NR2F1-AS1: variants seen among roughly 807,000 people sequenced by gnomAD.
NR2F1-AS1 encodes the protein NR2F1 regulatory antisense RNA 1.
rs537229454 is a variant in NR2F1-AS1, at chr5:93,497,092, C to CT, written n.638+56668dup. ...TTTTTGTAATACATTCAGTAAAGGC[C>CT]TTTTTTTTTTCAGTTAATTCCTCCA... is the stretch of plus-strand genomic sequence containing the variant. On this transcript the variant is annotated intron_variant and non_coding_transcript_variant, in intron 4 of 5. Coordinates refer to ENST00000660523, the Ensembl canonical transcript of NR2F1-AS1. 7.9e-4 allele frequency among the ~76,000 whole-genome samples: 117 copies of CT among 148,324 alleles called. 2 individuals are homozygous for CT. The highest frequency in any genetic ancestry group is 1.6e-3 in the African/African-American group (65 of 40,372).
At chr5:93,432,933 T>C (rs1017476503) in intron 4 of NR2F1-AS1, among the ~76,000 whole-genome samples, 7 of 152,260 alleles carry the variant, frequency 4.6e-5, no homozygotes, top group Non-Finnish European at 7.3e-5. Flanking sequence ...CATTTTATTA[T>C]TTTCCAAATA....
At chr5:93,427,382 C>A (rs1323879493) in intron 4 of NR2F1-AS1, among the ~76,000 whole-genome samples, 1 of 152,170 alleles carries the variant, frequency 6.6e-6, no homozygotes, top group East Asian at 1.9e-4. Context: ...CTACAGTTGT[C>A]CCTCCTGAGG....
intron 4 of NR2F1-AS1, among the ~76,000 whole-genome samples, chr5:93,553,003 ACTATGT>A (rs1363733965): frequency 6.6e-6 from 1 of 152,158 alleles, no homozygotes; most frequent in Non-Finnish European, 1.5e-5. Flanking sequence ...GAAGTCAAGC[ACTATGT>A]CTCTGGAATA....
At chr5:93,462,511 T>A (rs1750118608) in intron 4 of NR2F1-AS1, among the ~76,000 whole-genome samples, 1 of 152,090 alleles carries the variant, frequency 6.6e-6, no homozygotes, top group Non-Finnish European at 1.5e-5. Context: ...TAGAGTGGGG[T>A]GCTGCTGTAA....
At chr5:93,453,604 G>GA (rs1163112942) in intron 4 of NR2F1-AS1, among the ~76,000 whole-genome samples, 3 of 151,768 alleles carry the variant, frequency 2.0e-5, no homozygotes, top group Non-Finnish European at 2.9e-5. Context: ...CAGAGAGCAG[G>GA]AAAAAAAGAC....
intron 4 of NR2F1-AS1, among the ~76,000 whole-genome samples, chr5:93,533,584 A>C (rs1211088211): frequency 6.6e-6 from 1 of 152,144 alleles, no homozygotes; most frequent in African/African-American, 2.4e-5. Flanking sequence ...ATTTAGGAAA[A>C]GAGTTCTCTT....
chr5:93,457,815 G>A (rs1033551980), intron 4 of NR2F1-AS1, among the ~76,000 whole-genome samples: 15 of 151,774 alleles, frequency 9.9e-5, no homozygotes, highest in African/African-American at 3.4e-4. Context: ...CCTTCTTGGT[G>A]GATGGCAACT....
intron 4 of NR2F1-AS1, among the ~76,000 whole-genome samples, chr5:93,419,810 G>A (rs896681673): frequency 6.6e-6 from 1 of 152,132 alleles, no homozygotes; most frequent in African/African-American, 2.4e-5. Flanking sequence ...AACAGATGGG[G>A]GACCAGAATA....
chr5:93,567,438 C>G (rs1332079219), intron 1 of NR2F1-AS1, among the ~76,000 whole-genome samples: 3 of 152,074 alleles, frequency 2.0e-5, no homozygotes, highest in Non-Finnish European at 4.4e-5. Context: ...CATAGCTTTC[C>G]TAGGACTCTT....
chr5:93,562,170 A>T (rs1752503848), intron 2 of NR2F1-AS1, among the ~76,000 whole-genome samples: 2 of 149,116 alleles, frequency 1.3e-5, no homozygotes, highest in Admixed American at 1.3e-4. Flanking sequence ...CAACATAATG[A>T]AACCCATCTC....
At chr5:93,583,753 G>T (rs956812180), upstream of NR2F1-AS1, 2 of 152,170 alleles carry the variant, frequency 1.3e-5, no homozygotes, top group Non-Finnish European at 2.9e-5. Context: ...AAGAGGAAAA[G>T]AAGAGGATTA....
intron 4 of NR2F1-AS1, among the ~76,000 whole-genome samples, chr5:93,447,086 A>G (rs1184471752): frequency 6.6e-6 from 1 of 152,212 alleles, no homozygotes; most frequent in African/African-American, 2.4e-5. Context: ...ATTAGACCTA[A>G]AACCATAAAA....
chr5:93,471,256 G>A (rs965743354), intron 4 of NR2F1-AS1, among the ~76,000 whole-genome samples: 2 of 151,858 alleles, frequency 1.3e-5, no homozygotes, highest in Non-Finnish European at 3.0e-5. Context: ...GCAGAAGTAT[G>A]CATTGGCACT....
intron 4 of NR2F1-AS1, among the ~76,000 whole-genome samples, chr5:93,527,433 T>C (rs1432169478): frequency 6.6e-6 from 1 of 152,146 alleles, no homozygotes; most frequent in African/African-American, 2.4e-5. Flanking sequence ...AAGTAGTTTA[T>C]AGATTTAATG....
At chr5:93,467,728 C>A (rs1750269728) in intron 4 of NR2F1-AS1, among the ~76,000 whole-genome samples, 1 of 152,100 alleles carries the variant, frequency 6.6e-6, no homozygotes, top group Non-Finnish European at 1.5e-5. Flanking sequence ...GTACAATGTG[C>A]AGGTTTGTTA....
intron 4 of NR2F1-AS1, among the ~76,000 whole-genome samples, chr5:93,506,911 T>C (rs1020432932): frequency 6.6e-6 from 1 of 152,128 alleles, no homozygotes; most frequent in African/African-American, 2.4e-5. Flanking sequence ...TCAACATAAA[T>C]TAATGAATTT....
rs927080199 is a variant in NR2F1-AS1 at position 93,467,980 on chromosome 5, C to T, written n.639-72438G>A. ...GCTTCATCCATGTCCCTGCAAAGGA[C>T]ATGAACTCATTTTTTATGGCTGCAT... On this transcript the variant is annotated intron_variant and non_coding_transcript_variant, in intron 4 of 5. Transcript: ENST00000660523. Among the ~76,000 whole-genome samples the T allele has an allele frequency of 2.6e-5, 4 of 152,196 alleles. No homozygotes were observed. The East Asian group carries it at 5.8e-4, about 22-fold the overall frequency.
At position 93,550,187 on chromosome 5, in the gene NR2F1-AS1, C is replaced by T. The variant is rs573997499; in HGVS notation, n.638+3574G>A. ...TGGGATTAAAGAAAATACAGTTATA[C>T]TAAAGGAATTTTCTACTACTCAGTT... On this transcript the variant is annotated intron_variant and non_coding_transcript_variant, in intron 4 of 5. Coordinates refer to ENST00000660523, the Ensembl canonical transcript of NR2F1-AS1. Among the ~76,000 whole-genome samples, 3 of 151,512 alleles carry T rather than the reference C, an allele frequency of 2.0e-5. No individual in the cohort carries two copies. The South Asian group carries it at 6.3e-4, about 32-fold the overall frequency.
chr5:93,488,486 T>C (rs1245111685), intron 4 of NR2F1-AS1, among the ~76,000 whole-genome samples: 2 of 152,128 alleles, frequency 1.3e-5, no homozygotes, highest in Non-Finnish European at 2.9e-5. Flanking sequence ...AACAAACATG[T>C]GAAGAAAAGC....
Sources: allele counts gnomAD v4.1 joint callset (sites outside exome capture counted in the v4.1 genomes callset), GRCh38; gene constraint gnomAD v4.1.1; transcripts MANE v1.5; gene names NCBI Gene and HGNC (gene_info 2026-07-23, HGNC 2026-07-21).